The following ARHGAP15 variants were observed in gnomAD, a reference collection of about 807,000 sequenced individuals.
The protein encoded by ARHGAP15 is rho GTPase-activating protein 15.
Under a neutral mutation model 63.7 loss-of-function variants are expected in ARHGAP15, and 51 were observed. The observed-to-expected ratio is 0.80, with a 90% confidence interval of 0.64 to 1.01. ARHGAP15 has a LOEUF of 1.01. ARHGAP15 is among the 50% of genes least tolerant of loss of function. The pLI is 0.00. For synonymous variants in ARHGAP15, 191 were observed against 193.8 expected, an observed-to-expected ratio of 0.99 and a Z score of 0.12; for missense variants, 560 against 564.6, an observed-to-expected ratio of 0.99 and a Z score of 0.08.
intron 3 of ARHGAP15, among the ~76,000 whole-genome samples, chr2:143,204,181 A>T (rs1449019228): frequency 6.6e-6 from 1 of 152,116 alleles, no homozygotes; most frequent in East Asian, 1.9e-4. Flanking sequence ...CAGTTTATTG[A>T]AATAGTCTCC....
chr2:143,721,061 C>CAAAAAAAAAAAAA (rs60500194), intron 13 of ARHGAP15, among the ~76,000 whole-genome samples: 30 of 78,402 alleles, frequency 3.8e-4, no homozygotes, highest in Non-Finnish European at 4.7e-4. Flanking sequence ...GACTCCGTCT[C>CAAAAAAAAAAAAA]AAAAAAAAAA....
Position 143,235,883 on chromosome 2 carries a change from A to G in ARHGAP15, c.384+7215A>G, listed in dbSNP as rs1574132113. Reference sequence around the variant, plus strand: ...ATTTTAGTATCAGTGAAGTATTTCAATTGACTCTAGCACTTCATTTGCAGC... The same window carrying G: ...ATTTTAGTATCAGTGAAGTATTTCAGTTGACTCTAGCACTTCATTTGCAGC... On this transcript the variant is annotated intron_variant, in intron 5 of 13. Transcript: ENST00000295095. The G allele has an allele frequency of 2.7e-6, 4 of 1,491,672 alleles. No individual in the cohort carries two copies. In the East Asian group the frequency reaches 1.1e-4, roughly 39 times the overall value. 92.4% of individuals were successfully genotyped at this position (1,491,672 alleles called of 1,614,324 possible). A position where few individuals can be genotyped will look rare whatever the true frequency, so the allele number is the denominator to read the frequency against.
chr2:143,712,671 G>A (rs1684632910), intron 13 of ARHGAP15, among the ~76,000 whole-genome samples: 1 of 152,124 alleles, frequency 6.6e-6, no homozygotes, highest in Admixed American at 6.5e-5. Context: ...CATTTGGCAA[G>A]AGCAAAGGTA....
intron 4 of ARHGAP15, 119 bp from the exon 5 acceptor site, chr2:143,228,462 A>T (rs1023789130): frequency 1.9e-6 from 1 of 522,806 alleles, no homozygotes; most frequent in Non-Finnish European, 3.2e-6. Flanking sequence ...GGAGACTTTT[A>T]GCAAGACTGT....
At chr2:143,724,899 A>C (rs1315994731) in intron 13 of ARHGAP15, among the ~76,000 whole-genome samples, 1 of 152,250 alleles carries the variant, frequency 6.6e-6, no homozygotes, top group African/African-American at 2.4e-5. Flanking sequence ...ATCAAAAAAC[A>C]TTTCAATTCG....
In ARHGAP15 at chr2:143,477,432, T is replaced by C. The variant is rs191477613; in HGVS notation, c.704-9941T>C. Reference sequence around the variant, plus strand: ...TTATTAATCATATTTTAATCATTAATATTAATCTATTAAGATTAATAATTG... The same window carrying C: ...TTATTAATCATATTTTAATCATTAACATTAATCTATTAAGATTAATAATTG... On this transcript the variant is annotated intron_variant, in intron 8 of 13. Transcript: ENST00000295095. Among the ~76,000 whole-genome samples, 458 of 152,276 alleles carry C rather than the reference T, an allele frequency of 3.0e-3. 4 individuals carry two copies. Among genetic ancestry groups the C allele is most frequent in the African/African-American group, 0.01 (435 of 41,558 alleles).
intron 13 of ARHGAP15, among the ~76,000 whole-genome samples, chr2:143,736,560 T>C (rs1685754198): frequency 1.3e-5 from 2 of 152,214 alleles, no homozygotes; most frequent in South Asian, 2.1e-4. Flanking sequence ...GTGTAGAATG[T>C]AGACAAATTT....
At chr2:143,139,594 A>G (rs189799199) in intron 1 of ARHGAP15, among the ~76,000 whole-genome samples, 54 of 152,224 alleles carry the variant, frequency 3.5e-4, no homozygotes, top group African/African-American at 1.2e-3. Flanking sequence ...GTCGTTTTGC[A>G]TATGTTATTT....
At chr2:143,360,333 C>T (rs144700912) in intron 6 of ARHGAP15, among the ~76,000 whole-genome samples, 29 of 151,888 alleles carry the variant, frequency 1.9e-4, no homozygotes, top group Admixed American at 7.9e-4. Context: ...TGCAGTGAGC[C>T]GTGATTGTGC....
chr2:143,668,085 GTT>G (rs1252541510), intron 12 of ARHGAP15, among the ~76,000 whole-genome samples: 4 of 152,032 alleles, frequency 2.6e-5, no homozygotes, highest in Non-Finnish European at 5.9e-5. Context: ...GTTGAAGCAT[GTT>G]TTGTAGATTT....
chr2:143,318,328 A>G (rs1683822700), intron 6 of ARHGAP15, among the ~76,000 whole-genome samples: 1 of 152,056 alleles, frequency 6.6e-6, no homozygotes, highest in Non-Finnish European at 1.5e-5. Flanking sequence ...ACACAGTCAG[A>G]ACGATAAGGG....
chr2:143,727,635 A>G (rs1488319643), intron 13 of ARHGAP15, among the ~76,000 whole-genome samples: 1 of 152,206 alleles, frequency 6.6e-6, no homozygotes, highest in African/African-American at 2.4e-5. Flanking sequence ...TCATGTTGGT[A>G]AGGCTCAGAC....
Position 143,639,632 on chromosome 2 carries a change from C to T in ARHGAP15, c.1138+15365C>T, listed in dbSNP as rs142665808. 2.6e-3 allele frequency among the ~76,000 whole-genome samples: 400 copies of T among 151,896 alleles called. 3 individuals are homozygous for T. The highest frequency in any genetic ancestry group is 9.1e-3 in the African/African-American group (379 of 41,534). On this transcript the variant is annotated intron_variant, in intron 12 of 13. Coordinates refer to ENST00000295095, the MANE Select transcript of ARHGAP15 (RefSeq NM_018460.4). ...GGCACTATGTCCTTATTACAATCCC[C>T]GGCAAGTGAATTAGGAAATAACATT...
chr2:143,684,375 G>A (rs1415156394), intron 12 of ARHGAP15, among the ~76,000 whole-genome samples: 2 of 151,950 alleles, frequency 1.3e-5, no homozygotes, highest in Admixed American at 6.6e-5. Flanking sequence ...TGCTTTTTTG[G>A]GGTTTTAGTG....
At chr2:143,272,594 A>G (rs1681342360) in intron 6 of ARHGAP15, among the ~76,000 whole-genome samples, 1 of 152,188 alleles carries the variant, frequency 6.6e-6, no homozygotes, top group South Asian at 2.1e-4. Context: ...CAGAGATTGC[A>G]GTGAGCCGAA....
intron 6 of ARHGAP15, among the ~76,000 whole-genome samples, chr2:143,315,144 T>C (rs1683640359): frequency 6.6e-6 from 1 of 152,184 alleles, no homozygotes; most frequent in Non-Finnish European, 1.5e-5. Flanking sequence ...TTAATACTTT[T>C]CTAAGCAAGT....
chr2:143,489,569 G>C (rs1174212697), intron 9 of ARHGAP15, among the ~76,000 whole-genome samples: 1 of 151,954 alleles, frequency 6.6e-6, no homozygotes, highest in East Asian at 1.9e-4. Flanking sequence ...TCGGTAAAAG[G>C]CATTAAACCA....
intron 12 of ARHGAP15, among the ~76,000 whole-genome samples, chr2:143,693,425 TC>T (rs1289330615): frequency 6.6e-6 from 1 of 152,216 alleles, no homozygotes; most frequent in African/African-American, 2.4e-5. Context: ...AGAATTCTAC[TC>T]CCTCTTCATT....
At chr2:143,173,370 G>T (rs1466644015) in intron 2 of ARHGAP15, among the ~76,000 whole-genome samples, 1 of 151,898 alleles carries the variant, frequency 6.6e-6, no homozygotes, top group African/African-American at 2.4e-5. Context: ...TATTGTAAAT[G>T]TTTTTTCGTC....
Sources: gnomAD v4.1 joint callset for allele counts (sites outside exome capture counted in the v4.1 genomes callset) on GRCh38, gnomAD v4.1.1 for gene constraint, MANE v1.5 for transcripts, NCBI Gene and HGNC (gene_info 2026-07-23, HGNC 2026-07-21) for gene names.